EPHB1: variants seen among roughly 807,000 people sequenced by gnomAD.
EPHB1 encodes the protein EPH receptor B1, also known as ephrin type-B receptor 1.
In EPHB1, 30 loss-of-function variants were observed where a neutral mutation model predicts 94.4. That is an observed-to-expected ratio of 0.32 (90% CI 0.24 to 0.43). The LOEUF (loss-of-function observed/expected upper bound fraction) is 0.43. EPHB1 is among the 20% of genes least tolerant of loss of function. EPHB1 has a pLI of 1.00. For synonymous variants in EPHB1, 522 were observed against 489.1 expected, an observed-to-expected ratio of 1.07 and a Z score of -0.89; for missense variants, 1,055 against 1,308.3, an observed-to-expected ratio of 0.81 and a Z score of 2.99.
chr3:134,945,840 A>T (rs867342147), intron 2 of EPHB1, among the ~76,000 whole-genome samples: 9 of 152,220 alleles, frequency 5.9e-5, no homozygotes, highest in South Asian at 2.1e-4. Flanking sequence ...ACATTGCCAG[A>T]ACTAGAACCA....
chr3:135,021,872 G>A (rs1321349865), intron 3 of EPHB1, among the ~76,000 whole-genome samples: 2 of 152,152 alleles, frequency 1.3e-5, no homozygotes, highest in African/African-American at 2.4e-5. Context: ...TAAGGATATT[G>A]TTTTCCTTGT....
At chr3:135,125,438 T>C (rs1326929475) in intron 4 of EPHB1, among the ~76,000 whole-genome samples, 3 of 148,262 alleles carry the variant, frequency 2.0e-5, no homozygotes, top group Middle Eastern at 3.4e-3. Context: ...CCCTTTCCTC[T>C]ATGATGCTGG....
chr3:134,865,653 T>TA (rs202051385), intron 1 of EPHB1, among the ~76,000 whole-genome samples: 1,816 of 148,942 alleles, frequency 0.012, 43 homozygotes, highest in African/African-American at 0.044. Flanking sequence ...TGCAGCTGTT[T>TA]TAAAAAAAAA....
At position 134,900,763 on chromosome 3, in the gene EPHB1, A is replaced by G. The variant is rs544126477; in HGVS notation, c.59-25053A>G. On this transcript the variant is annotated intron_variant, in intron 1 of 15. Coordinates refer to ENST00000398015, the MANE Select transcript of EPHB1 (RefSeq NM_004441.5). ...CAGGTGTATGTAGGTGTGAGGGGGC[A>G]TGGGTGTGTACATGGTGTGCATTTG... 5.9e-5 allele frequency among the ~76,000 whole-genome samples: 9 copies of G among 152,118 alleles called. No individual in the cohort carries two copies. The South Asian group carries it at 1.5e-3, about 25-fold the overall frequency.
At position 135,068,709 on chromosome 3, in the gene EPHB1, C is replaced by T. The variant is rs538071797; in HGVS notation, c.806-37739C>T. Among the ~76,000 whole-genome samples, 43 of 150,314 alleles carry T rather than the reference C, an allele frequency of 2.9e-4. 1 individual carries two copies. The South Asian group carries it at 5.8e-3, about 20-fold the overall frequency. ...TGTCACCCAGGTTGGAGTGCAGTGG[C>T]GCAATCTCTGCTCACTGCAAGCTCC... On this transcript the variant is annotated intron_variant, in intron 3 of 15. Transcript: ENST00000398015.
intron 15 of EPHB1, among the ~76,000 whole-genome samples, chr3:135,250,557 A>C (rs920449057): frequency 6.6e-6 from 1 of 152,124 alleles, no homozygotes; most frequent in Non-Finnish European, 1.5e-5. Context: ...AGATCTGAGC[A>C]TAAGGGTTTT....
chr3:135,050,856 T>C (rs1202248265), intron 3 of EPHB1, among the ~76,000 whole-genome samples: 1 of 152,050 alleles, frequency 6.6e-6, no homozygotes, highest in Non-Finnish European at 1.5e-5. Context: ...CAGAAGCAGA[T>C]TGCAGTACCA....
chr3:135,193,642 T>G (rs773478702), intron 11 of EPHB1, among the ~76,000 whole-genome samples: 6 of 152,160 alleles, frequency 3.9e-5, no homozygotes, highest in Non-Finnish European at 7.4e-5. Flanking sequence ...GAGCAAGGAC[T>G]TCAGAGTGAT....
intron 3 of EPHB1, among the ~76,000 whole-genome samples, chr3:135,105,782 ATCCTT>A (rs1037057918): frequency 2.6e-5 from 4 of 152,188 alleles, no homozygotes; most frequent in African/African-American, 9.7e-5. Flanking sequence ...CTGCAAAGTC[ATCCTT>A]TCCTTGCCCC....
intron 12 of EPHB1, among the ~76,000 whole-genome samples, chr3:135,223,591 A>G (rs1298545330): frequency 2.0e-5 from 3 of 152,176 alleles, no homozygotes; most frequent in Non-Finnish European, 4.4e-5. Flanking sequence ...GAAGTTCCAA[A>G]GCTAGGAGAT....
chr3:134,958,435 T>A (rs1933369758), intron 3 of EPHB1, among the ~76,000 whole-genome samples: 1 of 151,484 alleles, frequency 6.6e-6, no homozygotes, highest in Admixed American at 6.6e-5. Flanking sequence ...TGTGTGTGTG[T>A]GTGTGTGTGT....
At chr3:135,096,205 C>T (rs1324296358) in intron 3 of EPHB1, among the ~76,000 whole-genome samples, 3 of 152,200 alleles carry the variant, frequency 2.0e-5, no homozygotes, top group Admixed American at 6.5e-5. Flanking sequence ...ACATGTATTA[C>T]ACTGATCTTC....
intron 1 of EPHB1, among the ~76,000 whole-genome samples, chr3:134,875,444 C>T (rs1434037875): frequency 2.0e-5 from 3 of 152,062 alleles, no homozygotes; most frequent in Non-Finnish European, 4.4e-5. Flanking sequence ...CTGTGGAAGG[C>T]AGGAGCACTT....
intron 3 of EPHB1, among the ~76,000 whole-genome samples, chr3:134,987,773 A>AAAAC (rs34219096): frequency 2.0e-4 from 31 of 151,300 alleles, no homozygotes; most frequent in East Asian, 5.8e-4. Flanking sequence ...TCTGTCTTGA[A>AAAAC]AAACAAACAA....
chr3:134,893,604 TC>T (rs1159510579), intron 1 of EPHB1, among the ~76,000 whole-genome samples: 2 of 152,196 alleles, frequency 1.3e-5, no homozygotes, highest in Non-Finnish European at 2.9e-5. Flanking sequence ...GTCTGACAAG[TC>T]CTACCCAGTA....
In EPHB1 at chr3:135,179,942, T is replaced by C. The variant is rs1456762437; in HGVS notation, c.1842T>C (p.Ile614=). The C allele has an allele frequency of 6.2e-7, 1 of 1,613,992 alleles. No individual in the cohort carries two copies. Among genetic ancestry groups the C allele is most frequent in the South Asian group, 1.1e-5 (1 of 91,082 alleles). Residue 614 remains isoleucine (I), a synonymous_variant, in exon 10 of 16, where the codon ATT becomes ATC. Transcript: ENST00000398015. ...NEAVREFAKE[I]DVSFVKIEEV... Reference sequence around the variant, plus strand: ...CTGTCCGGGAGTTTGCCAAGGAGATTGATGTATCTTTTGTGAAAATTGAAG... The same window carrying C: ...CTGTCCGGGAGTTTGCCAAGGAGATCGATGTATCTTTTGTGAAAATTGAAG...
At chr3:134,865,339 GAA>G (rs1281972926) in intron 1 of EPHB1, among the ~76,000 whole-genome samples, 1 of 152,090 alleles carries the variant, frequency 6.6e-6, no homozygotes, top group Admixed American at 6.5e-5. Context: ...TGATCTAAAG[GAA>G]AATGTTAGGA....
Position 134,795,603 on chromosome 3 carries a change from G to A in EPHB1, c.-29G>A, listed in dbSNP as rs2035808091. On this transcript the variant is annotated 5_prime_UTR_variant, in exon 1 of 16. Transcript: ENST00000398015. ...TCTCCCGGCGCTGCTGCCTCGGCTT[G>A]GTCTCGGCCTGCGGGCCGTCGGCCG... 1 of 1,602,430 alleles carries A rather than the reference G, an allele frequency of 6.2e-7. No individual in the cohort carries two copies. Among genetic ancestry groups the A allele is most frequent in the Non-Finnish European group, 8.5e-7 (1 of 1,175,412 alleles).
chr3:135,026,390 A>T (rs1382174437), intron 3 of EPHB1, among the ~76,000 whole-genome samples: 1 of 149,218 alleles, frequency 6.7e-6, no homozygotes, highest in East Asian at 2.0e-4. Flanking sequence ...TGATTTTTGT[A>T]TATGGTGTAA....
Sources: allele counts gnomAD v4.1 joint callset (sites outside exome capture counted in the v4.1 genomes callset), GRCh38; gene constraint gnomAD v4.1.1; transcripts MANE v1.5; gene names NCBI Gene and HGNC (gene_info 2026-07-23, HGNC 2026-07-21).